The following SORCS3 variants were observed in gnomAD, a reference collection of about 807,000 sequenced individuals.
SORCS3 encodes the protein VPS10 domain-containing receptor SorCS3.
A neutral mutation model predicts 146.3 loss-of-function variants in SORCS3; 57 were observed. The ratio of observed to expected loss-of-function variants is 0.39; its 90% CI spans 0.31 to 0.49. SORCS3 has a LOEUF of 0.49. Among genes scored for constraint, SORCS3 ranks in the 20% least tolerant of loss-of-function variants. The pLI, the probability that SORCS3 is intolerant of heterozygous loss-of-function variation, is 0.92. For synonymous variants in SORCS3, 653 were observed against 618.5 expected, an observed-to-expected ratio of 1.06 and a Z score of -0.83; for missense variants, 1,341 against 1,575.5, an observed-to-expected ratio of 0.85 and a Z score of 2.52.
chr10:104,764,029 A>G (rs1410421070), intron 1 of SORCS3, among the ~76,000 whole-genome samples: 1 of 147,080 alleles, frequency 6.8e-6, no homozygotes, highest in Admixed American at 6.9e-5. Flanking sequence ...ATGAATTACC[A>G]GTGGAAGGTA....
chr10:104,865,360 C>T (rs1185340961), intron 2 of SORCS3, among the ~76,000 whole-genome samples: 1 of 152,146 alleles, frequency 6.6e-6, no homozygotes, highest in Non-Finnish European at 1.5e-5. Flanking sequence ...TTGACCTGAT[C>T]CCTTGTCAAT....
chr10:105,262,476 G>T lies in SORCS3; in HGVS notation c.3589G>T (p.Asp1197Tyr), dbSNP rs1564798765. 6.2e-7 allele frequency: 1 copy of T among 1,613,576 alleles called. No homozygotes were observed. The highest frequency in any genetic ancestry group is 8.5e-7 in the Non-Finnish European group (1 of 1,179,744). Reference protein sequence around the residue: ...EPEELLDKELDTRVIGGIATI... With the variant: ...EPEELLDKELYTRVIGGIATI... ...TGAGGAGCTGCTGGACAAAGAGCTG[G>T]ACACGCGGGTCATAGGTACATGCTC... Residue 1197 changes from aspartate to tyrosine, a missense_variant, in exon 26 of 27, where the codon GAC (aspartate) becomes TAC (tyrosine). Transcript: ENST00000369701.
chr10:104,717,783 C>T (rs986698851), intron 1 of SORCS3, among the ~76,000 whole-genome samples: 2 of 152,128 alleles, frequency 1.3e-5, no homozygotes, highest in African/African-American at 4.8e-5. Flanking sequence ...AATCATAAGT[C>T]TTAGTCCATT....
intron 20 of SORCS3, among the ~76,000 whole-genome samples, chr10:105,223,579 A>G (rs2056717143): frequency 6.6e-6 from 1 of 152,232 alleles, no homozygotes; most frequent in South Asian, 2.1e-4. Flanking sequence ...ATGTCAAAGA[A>G]GTTACTTAGC....
At chr10:104,946,301 C>A (rs568881334) in intron 3 of SORCS3, among the ~76,000 whole-genome samples, 93 of 152,054 alleles carry the variant, frequency 6.1e-4, no homozygotes, top group African/African-American at 2.2e-3. Flanking sequence ...GCTTAGTCTC[C>A]TGTCATTTCC....
chr10:104,746,205 C>T (rs1443753159), intron 1 of SORCS3, among the ~76,000 whole-genome samples: 8 of 150,200 alleles, frequency 5.3e-5, no homozygotes, highest in East Asian at 2.0e-4. Flanking sequence ...GGTGCGATCT[C>T]GGCTCACTGC....
chr10:104,807,584 C>T (rs534674620), intron 1 of SORCS3, among the ~76,000 whole-genome samples: 44 of 152,136 alleles, frequency 2.9e-4, no homozygotes, highest in Non-Finnish European at 4.9e-4. Context: ...ACGTTTAGAG[C>T]GTCTCAGGTT....
chr10:104,753,700 C>G (rs907557119), intron 1 of SORCS3, among the ~76,000 whole-genome samples: 1 of 152,148 alleles, frequency 6.6e-6, no homozygotes, highest in Non-Finnish European at 1.5e-5. Context: ...TTATAGTAGG[C>G]TTTTTCAAAG....
At chr10:104,814,421 G>A (rs1244510776) in intron 1 of SORCS3, among the ~76,000 whole-genome samples, 3 of 152,124 alleles carry the variant, frequency 2.0e-5, no homozygotes, top group African/African-American at 7.2e-5. Flanking sequence ...TGTTTCAACT[G>A]TCTTTGTCAT....
At chr10:104,894,104 C>T (rs1268331034) in intron 2 of SORCS3, among the ~76,000 whole-genome samples, 3 of 152,142 alleles carry the variant, frequency 2.0e-5, no homozygotes, top group Non-Finnish European at 4.4e-5. Context: ...TGTTATTTGT[C>T]GTGAACTCTT....
chr10:104,899,982 G>A (rs564117692), intron 2 of SORCS3, among the ~76,000 whole-genome samples: 1 of 152,132 alleles, frequency 6.6e-6, no homozygotes, highest in East Asian at 1.9e-4. Context: ...GTGGTGAGGT[G>A]TCTGCCCCAG....
chr10:105,066,165 TG>T lies in SORCS3; in HGVS notation c.1028+23039del, dbSNP rs1364034469. ...TGGGCTCATCTGGTGGAAAAATGCA[TG>T]GTTGACATTTTGTGACCACGTTGCA... On this transcript the variant is annotated intron_variant, in intron 5 of 26. Coordinates refer to ENST00000369701, the MANE Select transcript of SORCS3 (RefSeq NM_014978.3). Among the ~76,000 whole-genome samples, 7 of 152,318 alleles carry T rather than the reference TG, an allele frequency of 4.6e-5. No individual in the cohort carries two copies. The East Asian group carries it at 1.3e-3, about 29-fold the overall frequency.
intron 1 of SORCS3, among the ~76,000 whole-genome samples, chr10:104,661,710 T>C (rs181493388): frequency 6.6e-6 from 1 of 151,770 alleles, no homozygotes; most frequent in South Asian, 2.1e-4. Flanking sequence ...GACAGATAGA[T>C]AGATAGATAC....
At chr10:104,787,337 G>A (rs2017450502) in intron 1 of SORCS3, among the ~76,000 whole-genome samples, 1 of 152,038 alleles carries the variant, frequency 6.6e-6, no homozygotes, top group African/African-American at 2.4e-5. Flanking sequence ...CTCTGTTGAG[G>A]GCATAATAAT....
Position 104,782,123 on chromosome 10 carries a change from A to G in SORCS3, c.628-60669A>G, listed in dbSNP as rs555378507. On this transcript the variant is annotated intron_variant, in intron 1 of 26. Coordinates refer to ENST00000369701, the MANE Select transcript of SORCS3 (RefSeq NM_014978.3). ...GGAGCAGGATCATGCCATTGTGTGC[A>G]TGGATCATTTGTATTACCGGTTCTA... is the stretch of plus-strand genomic sequence containing the variant. 2.6e-5 allele frequency among the ~76,000 whole-genome samples: 4 copies of G among 152,302 alleles called. No individual in the cohort carries two copies. The South Asian group carries it at 8.3e-4, about 32-fold the overall frequency.
chr10:104,695,889 C>T (rs2016169257), intron 1 of SORCS3, among the ~76,000 whole-genome samples: 1 of 148,550 alleles, frequency 6.7e-6, no homozygotes, highest in South Asian at 2.1e-4. Flanking sequence ...AATATTGAAA[C>T]AGCTTAAGTG....
At position 104,883,979 on chromosome 10, in the gene SORCS3, G is replaced by GT. The variant is rs1554856922; in HGVS notation, c.696-31854_696-31853insT. Among the ~76,000 whole-genome samples, 317 of 149,124 alleles carry GT rather than the reference G, an allele frequency of 2.1e-3. 3 individuals are homozygous for GT. Among genetic ancestry groups the GT allele is most frequent in the African/African-American group, 7.6e-3 (297 of 38,868 alleles). On this transcript the variant is annotated intron_variant, in intron 2 of 26. Coordinates refer to ENST00000369701, the MANE Select transcript of SORCS3 (RefSeq NM_014978.3). ...ATCCACTGTTCTGCTGTGGAATGAG[G>GT]GGGGGGAAAGGGTCCTACCCTATCT...
chr10:105,137,215 C>G (rs530497406), intron 7 of SORCS3, among the ~76,000 whole-genome samples: 1 of 152,182 alleles, frequency 6.6e-6, no homozygotes, highest in Admixed American at 6.5e-5. Flanking sequence ...ATGGGACTTG[C>G]CTTCTCGGAT....
rs139505597 is a variant in SORCS3 at position 104,863,049 on chromosome 10, C to A, written c.695+20190C>A. Reference sequence around the variant, plus strand: ...TCATCAAATCCTCCCCAAGTAGGTACGTTATACTCTTCCTTTTTGCAGAGC... The same window carrying A: ...TCATCAAATCCTCCCCAAGTAGGTAAGTTATACTCTTCCTTTTTGCAGAGC... On this transcript the variant is annotated intron_variant, in intron 2 of 26. Coordinates refer to ENST00000369701, the MANE Select transcript of SORCS3 (RefSeq NM_014978.3). Among the ~76,000 whole-genome samples, 9 of 152,254 alleles carry A rather than the reference C, an allele frequency of 5.9e-5. No homozygotes were observed. In the South Asian group the frequency reaches 6.2e-4, roughly 11 times the overall value.
Sources: allele counts gnomAD v4.1 joint callset (sites outside exome capture counted in the v4.1 genomes callset), GRCh38; gene constraint gnomAD v4.1.1; transcripts MANE v1.5; gene names NCBI Gene and HGNC (gene_info 2026-07-23, HGNC 2026-07-21).